TECRL: variants seen among roughly 807,000 people sequenced by gnomAD.
TECRL encodes the protein trans-2,3-enoyl-CoA reductase like, also known as trans-2,3-enoyl-CoA reductase-like.
A neutral mutation model predicts 52.8 loss-of-function variants in TECRL; 63 were observed. The ratio of observed to expected loss-of-function variants is 1.19; its 90% CI spans 0.97 to 1.47. The LOEUF is 1.47. Among genes scored for constraint, TECRL ranks in the 40% most tolerant of loss-of-function variants. TECRL has a pLI of 0.00. For missense variants in TECRL, 482 were observed against 429.6 expected (o/e 1.12, Z -1.08); for synonymous variants, 164 against 141.9 (o/e 1.16, Z -1.10).
intron 2 of TECRL, among the ~76,000 whole-genome samples, chr4:64,368,669 T>C (rs1435761035): frequency 6.6e-6 from 1 of 152,100 alleles, no homozygotes; most frequent in Admixed American, 6.6e-5. Context: ...AGAGGAAATT[T>C]TATTTTTTTA....
At chr4:64,394,279 T>C (rs1382302216) in intron 1 of TECRL, among the ~76,000 whole-genome samples, 1 of 152,156 alleles carries the variant, frequency 6.6e-6, no homozygotes, top group Non-Finnish European at 1.5e-5. Flanking sequence ...TAGCCTATGC[T>C]CCTTATGGTA....
intron 2 of TECRL, among the ~76,000 whole-genome samples, chr4:64,343,346 A>G (rs1577905544): frequency 6.6e-6 from 1 of 152,208 alleles, no homozygotes; most frequent in East Asian, 1.9e-4. Context: ...AGGTTTATAA[A>G]CAATTGTAAA....
rs1443751515 is a variant in TECRL, at chr4:64,333,977, T to C, written c.287-5421A>G. Among the ~76,000 whole-genome samples the C allele has an allele frequency of 1.7e-4, 18 of 108,484 alleles. 3 individuals are homozygous for C. The highest frequency in any genetic ancestry group is 7.0e-4 in the African/African-American group (17 of 24,190). 71.2% of individuals were successfully genotyped at this position (108,484 alleles called of 152,430 possible). A position where few individuals can be genotyped will look rare whatever the true frequency, so the allele number is the denominator to read the frequency against. On this transcript the variant is annotated intron_variant, in intron 2 of 11. Coordinates refer to ENST00000381210, the MANE Select transcript of TECRL (RefSeq NM_001010874.5). ...AGGCGGAGCTTGCAGTGAGCCGAGA[T>C]TGCGCCACTGCAGTCCGCAGTCCGG...
intron 1 of TECRL, among the ~76,000 whole-genome samples, chr4:64,399,514 G>C (rs938562708): frequency 3.3e-5 from 5 of 152,070 alleles, no homozygotes; most frequent in Admixed American, 2.0e-4. Flanking sequence ...GGCCTGGAAG[G>C]CATCTCAAAT....
At chr4:64,306,573 A>G (rs2109990140) in intron 6 of TECRL, among the ~76,000 whole-genome samples, 1 of 152,312 alleles carries the variant, frequency 6.6e-6, no homozygotes, top group African/African-American at 2.4e-5. Context: ...AAAATTGAGT[A>G]GCTTGCTTAC....
chr4:64,338,866 A>T (rs1203675534), intron 2 of TECRL, among the ~76,000 whole-genome samples: 1 of 152,160 alleles, frequency 6.6e-6, no homozygotes, highest in Non-Finnish European at 1.5e-5. Flanking sequence ...ATTGTGGAAG[A>T]CAGTGGGGCG....
At chr4:64,359,859 G>C (rs982880364) in intron 2 of TECRL, among the ~76,000 whole-genome samples, 1 of 152,052 alleles carries the variant, frequency 6.6e-6, no homozygotes. Context: ...TTTTAAAGTA[G>C]TAACAGTGAA....
chr4:64,380,625 T>C (rs1157470231), intron 1 of TECRL, among the ~76,000 whole-genome samples: 1 of 152,060 alleles, frequency 6.6e-6, no homozygotes, highest in Non-Finnish European at 1.5e-5. Context: ...CATATAGATA[T>C]CCAGTATTTT....
At position 64,317,265 on chromosome 4, in the gene TECRL, C is replaced by T. The variant is rs550691984; in HGVS notation, c.436-2502G>A. ...CTGCACTCCAGCCTGGGAGACAGAGCGAGACTCCGTCTCCAAAAAAAAAGA... is the reference window on the plus strand; with the variant it reads ...CTGCACTCCAGCCTGGGAGACAGAGTGAGACTCCGTCTCCAAAAAAAAAGA... On this transcript the variant is annotated intron_variant, in intron 4 of 11. Coordinates refer to ENST00000381210, the MANE Select transcript of TECRL (RefSeq NM_001010874.5). 2.6e-4 allele frequency among the ~76,000 whole-genome samples: 40 copies of T among 151,438 alleles called. No homozygotes were observed. In the East Asian group the frequency reaches 2.9e-3, roughly 11 times the overall value.
At chr4:64,292,357 T>C (rs919798782) in intron 8 of TECRL, among the ~76,000 whole-genome samples, 7 of 152,002 alleles carry the variant, frequency 4.6e-5, no homozygotes, top group Non-Finnish European at 5.9e-5. Flanking sequence ...GTTAAAATTA[T>C]CTTACATAAT....
At chr4:64,319,959 T>C (rs902726153) in intron 4 of TECRL, among the ~76,000 whole-genome samples, 4 of 151,880 alleles carry the variant, frequency 2.6e-5, no homozygotes, top group African/African-American at 9.7e-5. Flanking sequence ...TATGTAAGTA[T>C]GCAAAGATAA....
intron 2 of TECRL, among the ~76,000 whole-genome samples, chr4:64,373,822 T>G (rs1722147823): frequency 6.7e-6 from 1 of 149,144 alleles, no homozygotes. Flanking sequence ...AGGTGGCAAT[T>G]CAATTACTAG....
intron 7 of TECRL, among the ~76,000 whole-genome samples, chr4:64,302,216 T>C (rs2109979325): frequency 6.6e-6 from 1 of 151,538 alleles, no homozygotes; most frequent in Non-Finnish European, 1.5e-5. Context: ...GAAATATGTA[T>C]ACAACATGCT....
chr4:64,373,730 T>C (rs1722142000), intron 2 of TECRL, among the ~76,000 whole-genome samples: 1 of 151,414 alleles, frequency 6.6e-6, no homozygotes, highest in Admixed American at 6.6e-5. Flanking sequence ...TTTTCAAATG[T>C]CTTCCTACTT....
At chr4:64,407,131 C>T (rs138251965) in intron 1 of TECRL, among the ~76,000 whole-genome samples, 200 of 152,128 alleles carry the variant, frequency 1.3e-3, no homozygotes, top group African/African-American at 4.7e-3. Flanking sequence ...TCTACTCAGA[C>T]ATCAAAGATT....
At chr4:64,338,039 A>T (rs1360361788) in intron 2 of TECRL, among the ~76,000 whole-genome samples, 1 of 152,224 alleles carries the variant, frequency 6.6e-6, no homozygotes, top group Non-Finnish European at 1.5e-5. Context: ...CAATACTATA[A>T]GGCTACAATA....
chr4:64,405,824 A>G (rs1292686073), intron 1 of TECRL, among the ~76,000 whole-genome samples: 1 of 152,172 alleles, frequency 6.6e-6, no homozygotes. Flanking sequence ...AAAAAAGTGT[A>G]TATTCTCCTG....
At chr4:64,329,176 G>A (rs902318127) in intron 2 of TECRL, among the ~76,000 whole-genome samples, 1 of 151,846 alleles carries the variant, frequency 6.6e-6, no homozygotes, top group African/African-American at 2.4e-5. Flanking sequence ...CCATAATGAA[G>A]AGTTGATTCA....
rs559857239 is a variant in TECRL, at chr4:64,309,075, T to C, written c.657+751A>G. The stretch of plus-strand genomic sequence containing the variant: ...TCTATAATGGTGATCTTGAACTGAT[T>C]TGATTGATTGTAATATCTTCTATTA... On this transcript the variant is annotated intron_variant, in intron 6 of 11. Coordinates refer to ENST00000381210, the MANE Select transcript of TECRL (RefSeq NM_001010874.5). 2.6e-5 allele frequency among the ~76,000 whole-genome samples: 4 copies of C among 152,260 alleles called. No individual in the cohort carries two copies. The East Asian group carries it at 7.7e-4, about 29-fold the overall frequency.
Sources: allele counts gnomAD v4.1 joint callset (sites outside exome capture counted in the v4.1 genomes callset), GRCh38; gene constraint gnomAD v4.1.1; transcripts MANE v1.5; gene names NCBI Gene and HGNC (gene_info 2026-07-23, HGNC 2026-07-21).